The following SLC10A1 variants were observed in gnomAD, a reference collection of about 807,000 sequenced individuals.
The protein encoded by SLC10A1 is hepatic sodium/bile acid cotransporter.
A neutral mutation model predicts 20.5 loss-of-function variants in SLC10A1; 36 were observed. The observed-to-expected ratio is 1.75, with a 90% CI of 1.34 to 2.32. SLC10A1 has a LOEUF of 2.32. Ranked by LOEUF, SLC10A1 falls within the 30% of genes most tolerant of loss-of-function variation. The pLI, the probability that SLC10A1 is intolerant of heterozygous loss-of-function variation, is 0.00. For synonymous variants in SLC10A1, 188 were observed against 163.6 expected (o/e 1.15, Z -1.14); for missense variants, 545 against 439.1 (o/e 1.24, Z -2.16).
At chr14:69,779,432 G>A (rs753508185) in intron 2 of SLC10A1, 72 bp from the exon 3 acceptor site, 12 of 1,239,250 alleles carry the variant, frequency 9.7e-6, no homozygotes, top group Admixed American at 4.5e-5. Context: ...GGAAGCACAG[G>A]TAGAAATTGG....
At chr14:69,780,594 A>T (rs1351092687) in intron 2 of SLC10A1, among the ~76,000 whole-genome samples, 1 of 152,216 alleles carries the variant, frequency 6.6e-6, no homozygotes, top group African/African-American at 2.4e-5. Context: ...ACATTTTAAC[A>T]TTTATATTGC....
chr14:69,789,526 G>T (rs1432086901), intron 1 of SLC10A1, among the ~76,000 whole-genome samples: 1 of 152,182 alleles, frequency 6.6e-6, no homozygotes, highest in Non-Finnish European at 1.5e-5. Context: ...GTTGTCAAGG[G>T]TTGGAGCAGG....
At chr14:69,791,641 T>A (rs1883843307) in intron 1 of SLC10A1, among the ~76,000 whole-genome samples, 1 of 152,132 alleles carries the variant, frequency 6.6e-6, no homozygotes, top group Non-Finnish European at 1.5e-5. Context: ...AACTTTCAGA[T>A]AACAAAACTT....
chr14:69,796,711 C>T (rs1594766052), intron 1 of SLC10A1, 89 bp downstream of exon 1: 1 of 1,134,142 alleles, frequency 8.8e-7, no homozygotes, highest in South Asian at 1.5e-5. Context: ...CACTCCTTTT[C>T]CTGGCTTTAG....
In SLC10A1 at chr14:69,797,114, CA is replaced by C; in HGVS notation, c.41del (p.Leu14ArgfsTer14). On this transcript the variant is annotated frameshift_variant, in exon 1 of 5. Transcript: ENST00000216540. LOFTEE classifies it high-confidence loss of function. ...HNASAPFNFT[L>X]PPNFGKRPTD... The stretch of plus-strand genomic sequence containing the variant: ...TGGGGCGCTTGCCAAAGTTGGGTGG[CA>C]GGGTGAAGTTGAATGGGGCAGACGC... The C allele has an allele frequency of 6.2e-7, 1 of 1,613,864 alleles. No individual in the cohort carries two copies. Among genetic ancestry groups the C allele is most frequent in the Non-Finnish European group, 8.5e-7 (1 of 1,179,936 alleles).
At position 69,797,052 on chromosome 14, in the gene SLC10A1, A is replaced by T. The variant is rs200282964; in HGVS notation, c.104T>A (p.Leu35Ter). ...LALSVILVFM[L>*]FFIMLSLGCT... is the part of the protein sequence containing the mutation. ...GCCCAGCGAGAGCATGATGAAGAAC[A>T]ACATGAACACCAGGATGACGCTCAG... Residue 35 changes from leucine (L) to a stop codon, truncating the protein, a stop_gained, in exon 1 of 5, where the codon TTG becomes TAG. Coordinates refer to ENST00000216540, the MANE Select transcript of SLC10A1 (RefSeq NM_003049.4). LOFTEE classifies it high-confidence loss of function. 25 of 1,614,202 alleles carry T rather than the reference A, an allele frequency of 1.5e-5. No individual in the cohort carries two copies. The Admixed American group carries it at 4.2e-4, about 27-fold the overall frequency.
chr14:69,797,095 G>C lies in SLC10A1; in HGVS notation c.61C>G (p.Arg21Gly). Residue 21 changes from arginine to glycine, a missense_variant, in exon 1 of 5, where the codon CGC becomes GGC. Transcript: ENST00000216540. ...NFTLPPNFGK[R>G]PTDLALSVIL... ...ACGCTCAGTGCCAGGTCTGTGGGGC[G>C]CTTGCCAAAGTTGGGTGGCAGGGTG... 1 of 1,614,114 alleles carries C rather than the reference G, an allele frequency of 6.2e-7. No homozygotes were observed. Among genetic ancestry groups the C allele is most frequent in the Non-Finnish European group, 8.5e-7 (1 of 1,180,030 alleles).
chr14:69,796,072 G>A (rs1882381067), intron 1 of SLC10A1, among the ~76,000 whole-genome samples: 1 of 152,200 alleles, frequency 6.6e-6, no homozygotes, highest in East Asian at 1.9e-4. Context: ...GCATCAACCA[G>A]CCCCTGTGTG....
chr14:69,779,030 T>G (rs1236560986), intron 3 of SLC10A1, 152 bp downstream of exon 3: 3 of 585,258 alleles, frequency 5.1e-6, no homozygotes, highest in Admixed American at 3.1e-5. Flanking sequence ...TCATGGTGGC[T>G]TGTGCCTATA....
At chr14:69,778,765 A>G (rs999211092) in intron 3 of SLC10A1, among the ~76,000 whole-genome samples, 2 of 152,292 alleles carry the variant, frequency 1.3e-5, no homozygotes, top group Middle Eastern at 6.8e-3. Flanking sequence ...GCATCTGAAC[A>G]TATTGCCAGG....
chr14:69,790,443 A>G (rs1038283943), intron 1 of SLC10A1, among the ~76,000 whole-genome samples: 55 of 152,262 alleles, frequency 3.6e-4, no homozygotes, highest in African/African-American at 1.3e-3. Context: ...AAATAATAAA[A>G]TATTAGCAAA....
chr14:69,796,684 T>C, intron 1 of SLC10A1, 116 bp downstream of exon 1: 1 of 850,382 alleles, frequency 1.2e-6, no homozygotes, highest in Admixed American at 2.6e-5. Flanking sequence ...TGCCCTAGCC[T>C]CCACCCAGCC....
chr14:69,781,102 C>T (rs1820686434), intron 2 of SLC10A1, among the ~76,000 whole-genome samples: 1 of 152,142 alleles, frequency 6.6e-6, no homozygotes, highest in African/African-American at 2.4e-5. Context: ...TCTGGGGAGT[C>T]ACTCAACCTG....
At chr14:69,781,817 T>C (rs949706264) in intron 2 of SLC10A1, among the ~76,000 whole-genome samples, 3 of 152,220 alleles carry the variant, frequency 2.0e-5, no homozygotes, top group Non-Finnish European at 4.4e-5. Context: ...AAAATGAGCA[T>C]GCCTGAAATT....
intron 2 of SLC10A1, among the ~76,000 whole-genome samples, chr14:69,781,846 A>G (rs528607613): frequency 6.6e-6 from 1 of 152,342 alleles, no homozygotes; most frequent in African/African-American, 2.4e-5. Context: ...GTATATCTAA[A>G]TGTGACCTTC....
At chr14:69,790,327 C>A (rs1243204430) in intron 1 of SLC10A1, among the ~76,000 whole-genome samples, 1 of 151,774 alleles carries the variant, frequency 6.6e-6, no homozygotes, top group East Asian at 1.9e-4. Context: ...GGAAACATGC[C>A]CTAATTTATT....
chr14:69,786,048 G>A (rs1883703530), intron 2 of SLC10A1, 49 bp downstream of exon 2: 2 of 1,274,896 alleles, frequency 1.6e-6, no homozygotes, highest in African/African-American at 1.5e-5. Flanking sequence ...AGTTGTATAT[G>A]GTGTTTTTAC....
intron 1 of SLC10A1, among the ~76,000 whole-genome samples, chr14:69,792,799 A>G (rs1437712234): frequency 2.0e-5 from 3 of 149,722 alleles, no homozygotes; most frequent in Non-Finnish European, 4.4e-5. Flanking sequence ...GTTCAGATAC[A>G]TGAGGTAGCT....
At chr14:69,782,624 G>A (rs1248748131) in intron 2 of SLC10A1, among the ~76,000 whole-genome samples, 3 of 152,084 alleles carry the variant, frequency 2.0e-5, no homozygotes, top group Middle Eastern at 3.2e-3. Flanking sequence ...TGGCTAACAC[G>A]GTGAAACCCC....
Sources: allele counts gnomAD v4.1 joint callset (sites outside exome capture counted in the v4.1 genomes callset), GRCh38; gene constraint gnomAD v4.1.1; transcripts MANE v1.5; gene names NCBI Gene and HGNC (gene_info 2026-07-23, HGNC 2026-07-21).